Variants in CBFA2T3 observed in about 807,000 individuals in gnomAD.
The protein encoded by CBFA2T3 is CBFA2/RUNX1 partner transcriptional co-repressor 3.
In CBFA2T3, 31 loss-of-function variants were observed where a neutral mutation model predicts 58.6. That is an observed-to-expected ratio of 0.53 (90% CI 0.40 to 0.71). The LOEUF (loss-of-function observed/expected upper bound fraction) is 0.71, where lower values mean the gene tolerates loss of function less well. Ranked by LOEUF, CBFA2T3 falls within the 30% of genes least tolerant of loss-of-function variation. CBFA2T3 has a pLI of 0.00. For synonymous variants in CBFA2T3, 531 were observed against 421.9 expected (o/e 1.26, Z -3.17); for missense variants, 1,076 against 963.1 (o/e 1.12, Z -1.55).
At chr16:88,881,586 T>C in intron 8 of CBFA2T3, 97 bp from the exon 9 acceptor site, 1 of 1,281,556 alleles carries the variant, frequency 7.8e-7, no homozygotes, top group Non-Finnish European at 1.1e-6. Context: ...ACAGGATGGG[T>C]GCCCGACCAG....
At chr16:88,919,881 C>A (rs1329394999) in intron 1 of CBFA2T3, among the ~76,000 whole-genome samples, 2 of 152,320 alleles carry the variant, frequency 1.3e-5, no homozygotes, top group East Asian at 3.9e-4. Context: ...TTCATCTGCA[C>A]AAAGGGGCCA....
At chr16:88,951,400 G>T (rs748269294) in intron 1 of CBFA2T3, 19 of 449,370 alleles carry the variant, frequency 4.2e-5, no homozygotes, top group Non-Finnish European at 2.3e-5. Context: ...TTCTTTGAGA[G>T]GTATCATTAG....
rs905671478 is a variant in CBFA2T3, at chr16:88,874,997, T to G, written c.*1979A>C. The G allele has an allele frequency of 1.3e-5, 3 of 233,674 alleles. No individual in the cohort carries two copies. The highest frequency in any genetic ancestry group is 2.5e-5 in the Non-Finnish European group (3 of 118,106). The allele number at this position is 233,674 out of a possible 1,614,324, so 14.5% of individuals were successfully genotyped here. A position where few individuals can be genotyped will look rare whatever the true frequency, so the allele number is the denominator to read the frequency against. ...CTCTGGCGGGCTGTTCGTGGCTGGT[T>G]CAGTAGCTGGGTCACTCCCGTATTG... On this transcript the variant is annotated 3_prime_UTR_variant, in exon 12 of 12. Transcript: ENST00000268679.
rs565923273 is a variant in CBFA2T3 at position 88,888,886 on chromosome 16, C to T, written c.712-2744G>A. Among the ~76,000 whole-genome samples the T allele has an allele frequency of 3.3e-5, 5 of 151,904 alleles. No individual in the cohort carries two copies. The South Asian group carries it at 1.0e-3, about 32-fold the overall frequency. On this transcript the variant is annotated intron_variant, in intron 5 of 11. Coordinates refer to ENST00000268679, the MANE Select transcript of CBFA2T3 (RefSeq NM_005187.6). Reference sequence around the variant, plus strand: ...GGATCCCCTGTGTACCAAGGGGAGACTGAGGTGGACACGGCCCTCACGAGA... The same window carrying T: ...GGATCCCCTGTGTACCAAGGGGAGATTGAGGTGGACACGGCCCTCACGAGA...
rs572986982 is a variant in CBFA2T3, at chr16:88,941,888, G to T, written c.151+34769C>A. On this transcript the variant is annotated intron_variant, in intron 1 of 11. Coordinates refer to ENST00000268679, the MANE Select transcript of CBFA2T3 (RefSeq NM_005187.6). ...GGGGGGTGGGGAGGTGGGGAGTTGG[G>T]GGGGAGGTCGCTCCTTCGGCCGCCG... is the stretch of plus-strand genomic sequence containing the variant. The T allele has an allele frequency of 2.7e-5, 4 of 148,838 alleles. No homozygotes were observed. The East Asian group carries it at 6.1e-4, about 23-fold the overall frequency. The allele number at this position is 148,838 out of a possible 1,614,324, so 9.2% of individuals were successfully genotyped here. A position where few individuals can be genotyped will look rare whatever the true frequency, so the allele number is the denominator to read the frequency against.
At chr16:88,924,685 G>A (rs765798648) in intron 1 of CBFA2T3, among the ~76,000 whole-genome samples, 5 of 152,216 alleles carry the variant, frequency 3.3e-5, no homozygotes, top group Non-Finnish European at 7.3e-5. Flanking sequence ...GGTCACTCTC[G>A]TCAGACAGCC....
At chr16:88,878,077 G>A (rs1034375112) in intron 11 of CBFA2T3, among the ~76,000 whole-genome samples, 9 of 152,304 alleles carry the variant, frequency 5.9e-5, no homozygotes, top group Admixed American at 2.0e-4. Context: ...GGCCCCTGCC[G>A]GTCCCTCCGC....
intron 1 of CBFA2T3, among the ~76,000 whole-genome samples, chr16:88,954,406 A>G (rs12933501): frequency 0.055 from 4,189 of 76,014 alleles, 86 homozygotes; most frequent in Middle Eastern, 0.086. Flanking sequence ...CCTACCCAAG[A>G]CTCCTGACCC....
intron 1 of CBFA2T3, chr16:88,950,400 C>G (rs1434391891): frequency 2.3e-6 from 1 of 430,586 alleles, no homozygotes; most frequent in African/African-American, 2.4e-5. Flanking sequence ...GGTCAGTTCA[C>G]CCGTCCCCTG....
At chr16:88,896,060 C>A (rs981168017) in intron 3 of CBFA2T3, among the ~76,000 whole-genome samples, 3 of 152,130 alleles carry the variant, frequency 2.0e-5, no homozygotes, top group African/African-American at 7.2e-5. Context: ...CCCAAGTCAG[C>A]CCCCCAGGGT....
At chr16:88,915,743 G>GGA (rs1450111846) in intron 1 of CBFA2T3, among the ~76,000 whole-genome samples, 1 of 131,476 alleles carries the variant, frequency 7.6e-6, no homozygotes, top group African/African-American at 3.0e-5. Context: ...GGGGGAGCGT[G>GGA]GGGGGGGAGT....
intron 1 of CBFA2T3, among the ~76,000 whole-genome samples, chr16:88,943,717 A>C (rs1278560781): frequency 6.6e-6 from 1 of 152,096 alleles, no homozygotes; most frequent in Non-Finnish European, 1.5e-5. Context: ...ACAGGTGGAG[A>C]GGCTGAGCCT....
chr16:88,962,031 C>G (rs1355766635), intron 1 of CBFA2T3, among the ~76,000 whole-genome samples: 2 of 151,244 alleles, frequency 1.3e-5, no homozygotes, highest in African/African-American at 2.4e-5. Flanking sequence ...CAGCACTGGG[C>G]ATTCCCACTC....
chr16:88,926,375 G>A (rs1971085615), intron 1 of CBFA2T3, among the ~76,000 whole-genome samples: 2 of 152,246 alleles, frequency 1.3e-5, no homozygotes, highest in Admixed American at 6.5e-5. Context: ...CGAGGGACCT[G>A]GCGTGCTATG....
In CBFA2T3 at chr16:88,953,953, G is replaced by A. The variant is rs531100732; in HGVS notation, c.151+22704C>T. On this transcript the variant is annotated intron_variant, in intron 1 of 11. Coordinates refer to ENST00000268679, the MANE Select transcript of CBFA2T3 (RefSeq NM_005187.6). The surrounding 1 kb of genome is among the most constrained non-coding windows in gnomAD (Gnocchi z 4.9). ...TGTGCTCCTGCCCTGGGCAAATGAG[G>A]GCAGGCGGCCTCTAACAGCTGACAC... Among the ~76,000 whole-genome samples the A allele has an allele frequency of 1.3e-5, 2 of 152,182 alleles. No homozygotes were observed. Among genetic ancestry groups the A allele is most frequent in the South Asian group, 4.1e-4 (2 of 4,828 alleles).
intron 1 of CBFA2T3, among the ~76,000 whole-genome samples, chr16:88,964,599 C>T (rs1459136479): frequency 6.6e-6 from 1 of 152,246 alleles, no homozygotes; most frequent in Non-Finnish European, 1.5e-5. Flanking sequence ...CTGGCTCCCT[C>T]ATCGCGGAAT....
intron 1 of CBFA2T3, chr16:88,939,786 C>G (rs1045409530): frequency 2.0e-5 from 3 of 152,268 alleles, no homozygotes; most frequent in Non-Finnish European, 4.4e-5. Context: ...TCCCCTGCCG[C>G]GAAAGCGATG....
At chr16:88,922,816 T>A (rs1360636128) in intron 1 of CBFA2T3, among the ~76,000 whole-genome samples, 2 of 152,212 alleles carry the variant, frequency 1.3e-5, no homozygotes, top group Non-Finnish European at 2.9e-5. Context: ...TGGTTTCACA[T>A]GGCCAACAAA....
chr16:88,891,214 C>T (rs1969617602), intron 5 of CBFA2T3, among the ~76,000 whole-genome samples: 1 of 152,088 alleles, frequency 6.6e-6, no homozygotes, highest in Non-Finnish European at 1.5e-5. Flanking sequence ...GTATTCTGTT[C>T]CAGTCACACT....
Sources: gnomAD v4.1 joint callset for allele counts (sites outside exome capture counted in the v4.1 genomes callset) on GRCh38, gnomAD v4.1.1 for gene constraint, Gnocchi (gnomAD v3.1) non-coding constraint, MANE v1.5 for transcripts, NCBI Gene and HGNC (gene_info 2026-07-23, HGNC 2026-07-21) for gene names.